The following TFAP2C variants were observed in gnomAD, a reference collection of about 807,000 sequenced individuals.
TFAP2C encodes activating enhancer-binding protein 2 gamma.
Under a neutral mutation model 42.9 loss-of-function variants are expected in TFAP2C, and 9 were observed. The observed-to-expected ratio is 0.21, with a 90% CI of 0.13 to 0.37. The LOEUF (loss-of-function observed/expected upper bound fraction) is 0.37. Ranked by LOEUF, TFAP2C falls within the 10% of genes least tolerant of loss-of-function variation. TFAP2C has a pLI of 1.00. For synonymous variants in TFAP2C, 264 were observed against 256.0 expected, an observed-to-expected ratio of 1.03 and a Z score of -0.30; for missense variants, 462 against 591.7, an observed-to-expected ratio of 0.78 and a Z score of 2.27.
chr20:56,638,027 A>T lies in TFAP2C; in HGVS notation c.*14A>T, dbSNP rs1299753816. The T allele has an allele frequency of 6.2e-7, 1 of 1,608,780 alleles. No individual in the cohort carries two copies. The highest frequency in any genetic ancestry group is 8.5e-7 in the Non-Finnish European group (1 of 1,177,170). ...CACAGGAAATAAAATTGGAACGAAG[A>T]AAGGTTAGGAGAGTAGGGAAGGAAC... On this transcript the variant is annotated 3_prime_UTR_variant, in exon 7 of 7. Coordinates refer to ENST00000201031, the MANE Select transcript of TFAP2C (RefSeq NM_003222.4).
chr20:56,637,948 C>A lies in TFAP2C; in HGVS notation c.1288C>A (p.Pro430Thr), dbSNP rs1484623971. The change falls in exon 7 of 7, where the codon CCT becomes ACT. Residue 430 changes from proline to threonine, a missense_variant. This residue lies in a region of TFAP2C where 130 missense variants were observed against 160.8 expected (regional missense o/e 0.81). Transcript: ENST00000201031. ...LIVIDKSYMNPGDQSPADSNK... is the reference protein window; with the variant it reads ...LIVIDKSYMNTGDQSPADSNK... The stretch of plus-strand genomic sequence containing the variant: ...TGTCATAGACAAATCCTACATGAAC[C>A]CTGGAGACCAGAGTCCAGCTGATTC... 1 of 1,613,954 alleles carries A rather than the reference C, an allele frequency of 6.2e-7. No homozygotes were observed. Among genetic ancestry groups the A allele is most frequent in the Admixed American group, 1.7e-5 (1 of 60,020 alleles).
intron 5 of TFAP2C, among the ~76,000 whole-genome samples, chr20:56,635,857 C>A (rs1035958752): frequency 6.6e-6 from 1 of 152,180 alleles, no homozygotes; most frequent in African/African-American, 2.4e-5. Flanking sequence ...TAGTTTAAAT[C>A]ATCTCTGCAT....
In TFAP2C at chr20:56,636,599, G is replaced by C; in HGVS notation, c.923-11G>C. The C allele has an allele frequency of 6.2e-7, 1 of 1,607,302 alleles. No individual in the cohort carries two copies. Among genetic ancestry groups the C allele is most frequent in the Non-Finnish European group, 8.5e-7 (1 of 1,177,996 alleles). ...CACAGCCATCCTAAAAGCTGTTGCTGATTATTCTAGGTGAAGCTGTTCATT... is the reference window on the plus strand; with the variant it reads ...CACAGCCATCCTAAAAGCTGTTGCTCATTATTCTAGGTGAAGCTGTTCATT... On this transcript the variant is annotated splice_polypyrimidine_tract_variant and intron_variant, in intron 5 of 6. Coordinates refer to ENST00000201031, the MANE Select transcript of TFAP2C (RefSeq NM_003222.4).
rs1987628229 is a variant in TFAP2C at position 56,638,472 on chromosome 20, GA to G, written c.*466del. The G allele has an allele frequency of 6.3e-6, 1 of 157,532 alleles. No individual in the cohort carries two copies. The allele number at this position is 157,532 out of a possible 1,614,324, so 9.8% of individuals were successfully genotyped here. A position where few individuals can be genotyped will look rare whatever the true frequency, so the allele number is the denominator to read the frequency against. On this transcript the variant is annotated 3_prime_UTR_variant, in exon 7 of 7. Transcript: ENST00000201031. ...TTTGTGTCCGCTAAATATTTACCTT[GA>G]AAAAAAGAAAAGTGTGTATCTAGCT...
intron 4 of TFAP2C, among the ~76,000 whole-genome samples, chr20:56,633,908 T>C (rs1987540453): frequency 1.3e-5 from 2 of 152,196 alleles, no homozygotes; most frequent in Non-Finnish European, 2.9e-5. Context: ...TCTGCTCCCA[T>C]ACAATTTGAA....
At position 56,630,497 on chromosome 20, in the gene TFAP2C, C is replaced by T. The variant is rs1028233107; in HGVS notation, c.49-708C>T. ...CCAATTTCCAGGGTTCTTCATGCCCCCTCTGCGCCCCGACGTGCGAGAACA... is the reference window on the plus strand; with the variant it reads ...CCAATTTCCAGGGTTCTTCATGCCCTCTCTGCGCCCCGACGTGCGAGAACA... On this transcript the variant is annotated intron_variant, in intron 1 of 6. Coordinates refer to ENST00000201031, the MANE Select transcript of TFAP2C (RefSeq NM_003222.4). This position sits in a 1 kb window ranked among gnomAD's most constrained non-coding sequence, Gnocchi z 5.1. 18 of 347,460 alleles carry T rather than the reference C, an allele frequency of 5.2e-5. No homozygotes were observed. Among genetic ancestry groups the T allele is most frequent in the Middle Eastern group, 8.7e-4 (2 of 2,302 alleles). The allele number at this position is 347,460 out of a possible 1,614,324, so 21.5% of individuals were successfully genotyped here.
intron 3 of TFAP2C, among the ~76,000 whole-genome samples, chr20:56,632,370 A>G (rs1987508760): frequency 6.6e-6 from 1 of 152,204 alleles, no homozygotes; most frequent in South Asian, 2.1e-4. Context: ...GCTTGGAATG[A>G]TCTGTCAGAG....
rs1987623854 is a variant in TFAP2C at position 56,638,263 on chromosome 20, G to C, written c.*250G>C. On this transcript the variant is annotated 3_prime_UTR_variant, in exon 7 of 7. Transcript: ENST00000201031. Reference sequence around the variant, plus strand: ...CAAGTACTGGCTCTTTATTCATTAAGCTTTTTTTTTTTGAACCCCATTCTT... The same window carrying C: ...CAAGTACTGGCTCTTTATTCATTAACCTTTTTTTTTTTGAACCCCATTCTT... The C allele has an allele frequency of 2.4e-6, 1 of 419,708 alleles. No individual in the cohort carries two copies. The highest frequency in any genetic ancestry group is 2.0e-5 in the African/African-American group (1 of 50,332). The allele number at this position is 419,708 out of a possible 1,614,324, so 26.0% of individuals were successfully genotyped here.
chr20:56,631,141 C>T lies in TFAP2C; in HGVS notation c.49-64C>T. On this transcript the variant is annotated intron_variant, in intron 1 of 6. Coordinates refer to ENST00000201031, the MANE Select transcript of TFAP2C (RefSeq NM_003222.4). The surrounding 1 kb of genome is among the most constrained non-coding windows in gnomAD (Gnocchi z 6.1). ...GGCCCTCTGCGTAGCCCGGCGATGC[C>T]GGCCAGTTCGCAGTAGCGGGGTTTC... 6.8e-7 allele frequency: 1 copy of T among 1,469,728 alleles called. No homozygotes were observed. The highest frequency in any genetic ancestry group is 9.0e-7 in the Non-Finnish European group (1 of 1,115,190). 91.0% of individuals were successfully genotyped at this position (1,469,728 alleles called of 1,614,324 possible).
chr20:56,636,562 G>C (rs771331915), intron 5 of TFAP2C, 48 bp from the exon 6 acceptor site: 2 of 1,552,006 alleles, frequency 1.3e-6, no homozygotes, highest in South Asian at 2.4e-5. Flanking sequence ...AGGGCAGTTT[G>C]GCCTCAGTGA....
At chr20:56,635,401 T>C (rs1345332721) in intron 5 of TFAP2C, among the ~76,000 whole-genome samples, 15 of 152,306 alleles carry the variant, frequency 9.8e-5, no homozygotes, top group Admixed American at 7.8e-4. Flanking sequence ...AAGGTACCTC[T>C]TGGGTGGGAG....
In TFAP2C at chr20:56,629,559, A is replaced by G; in HGVS notation, c.15A>G (p.Ile5Met). MLWK[I>M]TDNVKYEEDC... Reference sequence around the variant, plus strand: ...CGCCGGACGCCATGTTGTGGAAAATAACCGATAATGTCAAGTACGAAGAGG... The same window carrying G: ...CGCCGGACGCCATGTTGTGGAAAATGACCGATAATGTCAAGTACGAAGAGG... Residue 5 changes from isoleucine to methionine, a missense_variant, in exon 1 of 7, where the codon ATA (isoleucine) becomes ATG (methionine). Physicochemically the swap from Ile to Met is conservative, Grantham distance 10. Transcript: ENST00000201031. The surrounding 1 kb of genome is among the most constrained non-coding windows in gnomAD (Gnocchi z 5.9). 7.0e-7 allele frequency: 1 copy of G among 1,428,148 alleles called. No homozygotes were observed. 88.5% of individuals were successfully genotyped at this position (1,428,148 alleles called of 1,614,324 possible). A position where few individuals can be genotyped will look rare whatever the true frequency, so the allele number is the denominator to read the frequency against.
In TFAP2C at chr20:56,631,279, C is replaced by A; in HGVS notation, c.123C>A (p.Ser41Arg). 1 of 1,604,428 alleles carries A rather than the reference C, an allele frequency of 6.2e-7. No homozygotes were observed. Among genetic ancestry groups the A allele is most frequent in the Non-Finnish European group, 8.5e-7 (1 of 1,176,306 alleles). The change falls in exon 2 of 7, where the codon AGC becomes AGA. Residue 41 changes from serine (S) to arginine (R), a missense_variant. Ser to Arg is a moderately radical substitution (Grantham distance 110). Around this residue, in one of 5 missense-constraint regions of TFAP2C, gnomAD observed 271 missense variants for 269.7 expected, o/e 1.00. Transcript: ENST00000201031. The surrounding 1 kb of genome is among the most constrained non-coding windows in gnomAD (Gnocchi z 6.1). The stretch of plus-strand genomic sequence containing the variant: ...CCTCCGCCGGGCAGCACCTCTACAG[C>A]CCCGCGCCACCCCTCTCCCACACTG... The part of the protein sequence containing the change: ...HLSSAGQHLY[S>R]PAPPLSHTGV...
In TFAP2C at chr20:56,633,477, G is replaced by T; in HGVS notation, c.711G>T (p.Thr237=). The T allele has an allele frequency of 3.7e-6, 6 of 1,614,090 alleles. No individual in the cohort carries two copies. The highest frequency in any genetic ancestry group is 5.1e-6 in the Non-Finnish European group (6 of 1,180,026). ...VPGRLSLLSS[T]SKYKVTVAEV... is the part of the protein sequence containing the mutation. ...GAAGATTGTCGCTCCTCAGCTCTAC[G>T]TCTAAATACAAAGTGACAGTGGCTG... The change falls in exon 4 of 7, where the codon ACG becomes ACT. Residue 237 remains threonine, a synonymous_variant. Coordinates refer to ENST00000201031, the MANE Select transcript of TFAP2C (RefSeq NM_003222.4).
Position 56,631,341 on chromosome 20 carries a change from C to T in TFAP2C, c.185C>T (p.Pro62Leu), listed in dbSNP as rs1310742216. 1 of 1,611,152 alleles carries T rather than the reference C, an allele frequency of 6.2e-7. No individual in the cohort carries two copies. Among genetic ancestry groups the T allele is most frequent in the East Asian group, 2.2e-5 (1 of 44,690 alleles). ...AEYQPPPYFP[P>L]PYQQLAYSQS... ...TATCAGCCGCCACCCTACTTTCCCC[C>T]TCCCTACCAGCAGCTGGCCTACTCC... Residue 62 changes from proline (P) to leucine (L), a missense_variant, in exon 2 of 7, where the codon CCT becomes CTT. By Grantham distance (98) the Pro-to-Leu change is moderately conservative (BLOSUM62 -3). Transcript: ENST00000201031. This position sits in a 1 kb window ranked among gnomAD's most constrained non-coding sequence, Gnocchi z 6.1.
rs145413166 is a variant in TFAP2C, at chr20:56,631,175, G to C, written c.49-30G>C. 798 of 1,489,784 alleles carry C rather than the reference G, an allele frequency of 5.4e-4. No individual in the cohort carries two copies. Among genetic ancestry groups the C allele is most frequent in the Non-Finnish European group, 6.9e-4 (778 of 1,122,438 alleles). The allele number at this position is 1,489,784 out of a possible 1,614,324, so 92.3% of individuals were successfully genotyped here. A position where few individuals can be genotyped will look rare whatever the true frequency, so the allele number is the denominator to read the frequency against. On this transcript the variant is annotated intron_variant, in intron 1 of 6. Transcript: ENST00000201031. The surrounding 1 kb of genome is among the most constrained non-coding windows in gnomAD (Gnocchi z 6.1). The stretch of plus-strand genomic sequence containing the variant: ...CGCAGTAGCGGGGTTTCGCACTAAC[G>C]GGGTCTCCTGTTTTTTTTTTTCCCT...
intron 5 of TFAP2C, among the ~76,000 whole-genome samples, chr20:56,635,747 C>T (rs1158148944): frequency 6.6e-6 from 1 of 152,156 alleles, no homozygotes. Context: ...CAAGTTTACT[C>T]ATCTCAGTAT....
At position 56,629,340 on chromosome 20, in the gene TFAP2C, G is replaced by A. The variant is rs1346769270; in HGVS notation, c.-205G>A. On this transcript the variant is annotated 5_prime_UTR_variant, in exon 1 of 7. Coordinates refer to ENST00000201031, the MANE Select transcript of TFAP2C (RefSeq NM_003222.4). The surrounding 1 kb of genome is among the most constrained non-coding windows in gnomAD (Gnocchi z 5.9). ...TGTTCGGGCGCGGCTTTCCCCGTCC[G>A]CGGAGCGGTCTTGACACTCGCGGCG... is the stretch of plus-strand genomic sequence containing the variant. 2 of 407,778 alleles carry A rather than the reference G, an allele frequency of 4.9e-6. No individual in the cohort carries two copies. Among genetic ancestry groups the A allele is most frequent in the Non-Finnish European group, 8.5e-6 (2 of 234,378 alleles). The allele number at this position is 407,778 out of a possible 1,614,324, so 25.3% of individuals were successfully genotyped here. A position where few individuals can be genotyped will look rare whatever the true frequency, so the allele number is the denominator to read the frequency against.
rs1384602880 is a variant in TFAP2C at position 56,630,830 on chromosome 20, G to GGAC, written c.49-374_49-373insACG. On this transcript the variant is annotated intron_variant, in intron 1 of 6. Transcript: ENST00000201031. This position sits in a 1 kb window ranked among gnomAD's most constrained non-coding sequence, Gnocchi z 5.1. Reference sequence around the variant, plus strand: ...CGAGATAGCTCTGCACCGGGCGTCCGGCTCCTTCGCCCCGGGCTCTGGCTC... The same window carrying GGAC: ...CGAGATAGCTCTGCACCGGGCGTCCGGACGCTCCTTCGCCCCGGGCTCTGGCTC... The GGAC allele has an allele frequency of 7.1e-6, 7 of 984,000 alleles. No individual in the cohort carries two copies. Among genetic ancestry groups the GGAC allele is most frequent in the Non-Finnish European group, 8.4e-6 (7 of 829,504 alleles). The allele number at this position is 984,000 out of a possible 1,614,324, so 61.0% of individuals were successfully genotyped here.
Sources: allele counts gnomAD v4.1 joint callset (sites outside exome capture counted in the v4.1 genomes callset), GRCh38; gene constraint gnomAD v4.1.1; regional missense constraint gnomAD v4.1.1; non-coding constraint Gnocchi (gnomAD v3.1); transcripts MANE v1.5; gene names NCBI Gene and HGNC (gene_info 2026-07-23, HGNC 2026-07-21).